CNTLN: variants seen among roughly 807,000 people sequenced by gnomAD.
CNTLN encodes the protein centlein, also known as centlein, centrosomal protein.
In CNTLN, 212 loss-of-function variants were observed where a neutral mutation model predicts 180.0. The observed-to-expected ratio is 1.18, with a 90% CI of 1.05 to 1.32. The LOEUF (loss-of-function observed/expected upper bound fraction) is 1.32, where lower values mean the gene tolerates loss of function less well. Ranked by LOEUF, CNTLN falls within the 40% of genes most tolerant of loss-of-function variation. The pLI, the probability that CNTLN is intolerant of heterozygous loss-of-function variation, is 0.00. For missense variants in CNTLN, 2,095 were observed against 1,610.9 expected, an observed-to-expected ratio of 1.30 and a Z score of -5.14; for synonymous variants, 722 against 563.1, an observed-to-expected ratio of 1.28 and a Z score of -3.99.
intron 6 of CNTLN, among the ~76,000 whole-genome samples, chr9:17,296,056 C>T (rs191418165): frequency 2.0e-5 from 3 of 150,940 alleles, no homozygotes; most frequent in East Asian, 3.9e-4. Flanking sequence ...GAGTCTGGCT[C>T]TGTCACCCAG....
At chr9:17,443,119 C>T (rs1236247165) in intron 18 of CNTLN, among the ~76,000 whole-genome samples, 1 of 152,158 alleles carries the variant, frequency 6.6e-6, no homozygotes, top group Middle Eastern at 3.4e-3. Flanking sequence ...ACTTCTATGC[C>T]TGCTATCATT....
chr9:17,390,823 A>G (rs1826055118), intron 14 of CNTLN, among the ~76,000 whole-genome samples: 1 of 152,100 alleles, frequency 6.6e-6, no homozygotes, highest in Admixed American at 6.5e-5. Flanking sequence ...TTTGTCCTCC[A>G]TTTTAAATTT....
At chr9:17,429,324 G>A (rs936499103) in intron 18 of CNTLN, among the ~76,000 whole-genome samples, 5 of 151,986 alleles carry the variant, frequency 3.3e-5, no homozygotes, top group African/African-American at 1.2e-4. Flanking sequence ...ATAGATTCAA[G>A]AATTGTTAAT....
intron 5 of CNTLN, among the ~76,000 whole-genome samples, chr9:17,250,600 A>G (rs1016096825): frequency 6.6e-6 from 1 of 152,064 alleles, no homozygotes; most frequent in African/African-American, 2.4e-5. Flanking sequence ...TGTTTTTGAT[A>G]GTATACAAAA....
chr9:17,163,629 T>A (rs540362094), intron 2 of CNTLN, among the ~76,000 whole-genome samples: 1 of 152,334 alleles, frequency 6.6e-6, no homozygotes, highest in South Asian at 2.1e-4. Context: ...AGGCACTGAA[T>A]AAATGAATGA....
intron 5 of CNTLN, among the ~76,000 whole-genome samples, chr9:17,268,366 C>A (rs548258235): frequency 1.2e-3 from 187 of 152,266 alleles, no homozygotes; most frequent in Admixed American, 3.9e-3. Context: ...TGGTGACCCG[C>A]AAATGCTGCT....
At chr9:17,511,234 A>T in the CNTLN span, among the ~76,000 whole-genome samples, 1 of 152,334 alleles carries the variant, frequency 6.6e-6, no homozygotes, top group Admixed American at 6.5e-5. Context: ...TGGATCAGAC[A>T]TATATAACTC....
chr9:17,381,762 C>T (rs979242672), intron 13 of CNTLN, among the ~76,000 whole-genome samples: 2 of 152,152 alleles, frequency 1.3e-5, no homozygotes, highest in African/African-American at 2.4e-5. Context: ...GGCTGCAGGT[C>T]TGTTGGTTGG....
chr9:17,525,235 C>T, the CNTLN span, among the ~76,000 whole-genome samples: 2 of 151,450 alleles, frequency 1.3e-5, no homozygotes, highest in African/African-American at 4.9e-5. Flanking sequence ...TAAAACTTAA[C>T]TGATAAAAAA....
intron 6 of CNTLN, among the ~76,000 whole-genome samples, chr9:17,282,465 C>T (rs533656068): frequency 6.6e-6 from 1 of 151,928 alleles, no homozygotes; most frequent in East Asian, 1.9e-4. Context: ...AATTTAAGTT[C>T]CTTGTAGATT....
intron 2 of CNTLN, among the ~76,000 whole-genome samples, chr9:17,159,709 G>A (rs1819546048): frequency 6.6e-6 from 1 of 152,162 alleles, no homozygotes. Context: ...GTTCTTGGCT[G>A]CAGCTGTCTG....
At chr9:17,376,730 C>T (rs1040547397) in intron 13 of CNTLN, among the ~76,000 whole-genome samples, 2 of 152,164 alleles carry the variant, frequency 1.3e-5, no homozygotes, top group East Asian at 3.9e-4. Flanking sequence ...GGATTACAGG[C>T]GTGAGCCACC....
intron 25 of CNTLN, among the ~76,000 whole-genome samples, chr9:17,489,575 T>A (rs192846640): frequency 5.9e-5 from 9 of 152,078 alleles, no homozygotes; most frequent in South Asian, 2.1e-4. Flanking sequence ...AAAAAAATAT[T>A]TTTTTTTCTG....
At chr9:17,183,848 G>A (rs1821270860) in intron 2 of CNTLN, among the ~76,000 whole-genome samples, 1 of 151,998 alleles carries the variant, frequency 6.6e-6, no homozygotes, top group Admixed American at 6.5e-5. Context: ...AATTTGCATA[G>A]TAAAGATAGT....
intron 3 of CNTLN, among the ~76,000 whole-genome samples, chr9:17,227,862 C>T (rs2132096148): frequency 6.6e-6 from 1 of 152,068 alleles, no homozygotes; most frequent in South Asian, 2.1e-4. Flanking sequence ...TTTGTATTTA[C>T]CACCCAAGTA....
At chr9:17,138,696 C>G (rs2131401361) in intron 1 of CNTLN, among the ~76,000 whole-genome samples, 1 of 152,266 alleles carries the variant, frequency 6.6e-6, no homozygotes, top group African/African-American at 2.4e-5. Context: ...ACATCCTTTG[C>G]CCTGAGCTCT....
intron 13 of CNTLN, among the ~76,000 whole-genome samples, chr9:17,378,061 A>G (rs770814578): frequency 3.9e-5 from 6 of 151,984 alleles, no homozygotes; most frequent in Non-Finnish European, 8.8e-5. Flanking sequence ...ATGTTAGATT[A>G]TTTTTTGTCC....
intron 25 of CNTLN, among the ~76,000 whole-genome samples, chr9:17,496,429 A>C (rs1340214462): frequency 6.6e-6 from 1 of 152,158 alleles, no homozygotes; most frequent in Non-Finnish European, 1.5e-5. Context: ...CAAGGGAGCG[A>C]GTAAGCTCTC....
At chr9:17,499,085 G>C (rs927120690) in intron 25 of CNTLN, among the ~76,000 whole-genome samples, 3 of 152,078 alleles carry the variant, frequency 2.0e-5, no homozygotes, top group African/African-American at 7.2e-5. Flanking sequence ...AAAACATTTT[G>C]CACTCAAAAA....
Sources: allele counts gnomAD v4.1 joint callset (sites outside exome capture counted in the v4.1 genomes callset), GRCh38; gene constraint gnomAD v4.1.1; transcripts MANE v1.5; gene names NCBI Gene and HGNC (gene_info 2026-07-23, HGNC 2026-07-21).